IFFO2: variants seen among roughly 807,000 people sequenced by gnomAD.
IFFO2 encodes the protein intermediate filament family orphan 2.
Under a neutral mutation model 53.5 loss-of-function variants are expected in IFFO2, and 19 were observed. The ratio of observed to expected loss-of-function variants is 0.36; its 90% confidence interval spans 0.25 to 0.52. IFFO2 has a LOEUF of 0.52. Among genes scored for constraint, IFFO2 ranks in the 20% least tolerant of loss-of-function variants. The pLI, the probability that IFFO2 is intolerant of heterozygous loss-of-function variation, is 0.94. For synonymous variants in IFFO2, 303 were observed against 313.6 expected, an observed-to-expected ratio of 0.97 and a Z score of 0.36; for missense variants, 570 against 727.4, an observed-to-expected ratio of 0.78 and a Z score of 2.49.
chr1:18,908,438 G>A lies in IFFO2; in HGVS notation c.*123C>T, dbSNP rs1450539435. The A allele has an allele frequency of 1.4e-6, 1 of 696,124 alleles. No individual in the cohort carries two copies. The highest frequency in any genetic ancestry group is 2.6e-6 in the Non-Finnish European group (1 of 391,164). 43.1% of individuals were successfully genotyped at this position (696,124 alleles called of 1,614,324 possible). A position where few individuals can be genotyped will look rare whatever the true frequency, so the allele number is the denominator to read the frequency against. On this transcript the variant is annotated 3_prime_UTR_variant, in exon 9 of 9. Coordinates refer to ENST00000455833, the MANE Select transcript of IFFO2 (RefSeq NM_001136265.2). ...CAGTCCCTCAGGGCCTCCAGAGAAG[G>A]GAGGGCAGAGAAAGTCTGTGTGGTG...
Position 18,956,024 on chromosome 1 carries a change from G to C in IFFO2, c.309C>G (p.Arg103=), listed in dbSNP as rs1448873917. 8.3e-6 allele frequency: 12 copies of C among 1,437,352 alleles called. No homozygotes were observed. The highest frequency in any genetic ancestry group is 1.3e-5 in the South Asian group (1 of 78,818). 89.0% of individuals were successfully genotyped at this position (1,437,352 alleles called of 1,614,324 possible). A position where few individuals can be genotyped will look rare whatever the true frequency, so the allele number is the denominator to read the frequency against. Residue 103 remains arginine (R), a synonymous_variant, in exon 1 of 9, where the codon CGC becomes CGG. Transcript: ENST00000455833. The surrounding 1 kb of genome is among the most constrained non-coding windows in gnomAD (Gnocchi z 6.4). ...CGGGCCCGGTCTGCACGGCCTGCTC[G>C]CGGGAGAAGGTCTTGTAGCGCAGCC... ...ERRLRYKTFS[R]EQAVQTGPEL...
In IFFO2 at chr1:18,955,708, G is replaced by C; in HGVS notation, c.625C>G (p.Leu209Val). The C allele has an allele frequency of 6.3e-7, 1 of 1,595,900 alleles. No individual in the cohort carries two copies. The highest frequency in any genetic ancestry group is 8.5e-7 in the Non-Finnish European group (1 of 1,174,016). Reference protein sequence around the residue: ...TPEIRALYNVLAKVKRERDEY... With the variant: ...TPEIRALYNVVAKVKRERDEY... The stretch of plus-strand genomic sequence containing the variant: ...TCGCGCTCGCGCTTCACCTTGGCCA[G>C]CACGTTGTAGAGCGCGCGGATCTCC... The change falls in exon 1 of 9, where the codon CTG becomes GTG. Residue 209 changes from leucine (L) to valine (V), a missense_variant. Transcript: ENST00000455833.
In IFFO2 at chr1:18,947,030, C is replaced by T. The variant is rs1168431239; in HGVS notation, c.665+8638G>A. Among the ~76,000 whole-genome samples, 1 of 152,194 alleles carries T rather than the reference C, an allele frequency of 6.6e-6. No homozygotes were observed. Among genetic ancestry groups the T allele is most frequent in the African/African-American group, 2.4e-5 (1 of 41,440 alleles). On this transcript the variant is annotated intron_variant, in intron 1 of 8. Coordinates refer to ENST00000455833, the MANE Select transcript of IFFO2 (RefSeq NM_001136265.2). This position sits in a 1 kb window ranked among gnomAD's most constrained non-coding sequence, Gnocchi z 5.0. ...CATGGCATGACACATTTGTCTATGTCCCCAGATTCTGAGTTCTCGAGGGCA... is the reference window on the plus strand; with the variant it reads ...CATGGCATGACACATTTGTCTATGTTCCCAGATTCTGAGTTCTCGAGGGCA...
At chr1:18,914,052 C>T (rs1936093702) in intron 5 of IFFO2, among the ~76,000 whole-genome samples, 1 of 152,182 alleles carries the variant, frequency 6.6e-6, no homozygotes, top group African/African-American at 2.4e-5. Context: ...AGGATGGTCT[C>T]GATCTCCTGA....
chr1:18,908,607 T>C lies in IFFO2; in HGVS notation c.1508A>G (p.Gln503Arg). 1.9e-6 allele frequency: 3 copies of C among 1,551,740 alleles called. No homozygotes were observed. The highest frequency in any genetic ancestry group is 2.6e-6 in the Non-Finnish European group (3 of 1,146,968). ...ATCCGCCTCGCGCTCGAACTCATCC[T>C]GGATCTCATCTGTACTTCCTGAGTC... is the stretch of plus-strand genomic sequence containing the variant. ...SSDSGSTDEI[Q>R]DEFEREADVE... is the part of the protein sequence containing the mutation. Residue 503 changes from glutamine to arginine, a missense_variant, in exon 9 of 9, where the codon CAG becomes CGG. Physicochemically the swap from Gln to Arg is conservative, Grantham distance 43. Coordinates refer to ENST00000455833, the MANE Select transcript of IFFO2 (RefSeq NM_001136265.2).
intron 1 of IFFO2, among the ~76,000 whole-genome samples, chr1:18,926,640 G>A (rs866368354): frequency 4.6e-5 from 7 of 152,142 alleles, no homozygotes; most frequent in Admixed American, 1.3e-4. Flanking sequence ...CGTGAGGGAC[G>A]AGAAGTCTCT....
At chr1:18,942,291 C>G (rs1340583522) in intron 1 of IFFO2, among the ~76,000 whole-genome samples, 1 of 152,144 alleles carries the variant, frequency 6.6e-6, no homozygotes, top group African/African-American at 2.4e-5. Flanking sequence ...TCCTTCATTC[C>G]CCCACAAAGA....
intron 1 of IFFO2, among the ~76,000 whole-genome samples, chr1:18,927,265 T>C (rs1451527780): frequency 6.6e-6 from 1 of 152,120 alleles, no homozygotes; most frequent in Non-Finnish European, 1.5e-5. Flanking sequence ...GGCCCACACC[T>C]TGCGGGAAGG....
intron 5 of IFFO2, among the ~76,000 whole-genome samples, chr1:18,915,640 T>A (rs543873134): frequency 6.8e-6 from 1 of 146,212 alleles, no homozygotes; most frequent in East Asian, 2.0e-4. Flanking sequence ...CCTCTCAGAG[T>A]CTCAGTTTCC....
At chr1:18,915,116 T>C (rs1284424858) in intron 5 of IFFO2, among the ~76,000 whole-genome samples, 1 of 152,090 alleles carries the variant, frequency 6.6e-6, no homozygotes, top group Non-Finnish European at 1.5e-5. Flanking sequence ...AGGCATGGCG[T>C]GGGGGACAAA....
Position 18,916,942 on chromosome 1 carries a change from A to G in IFFO2, c.1064T>C (p.Met355Thr). The G allele has an allele frequency of 6.4e-7, 1 of 1,551,928 alleles. No individual in the cohort carries two copies. Among genetic ancestry groups the G allele is most frequent in the Middle Eastern group, 1.7e-4 (1 of 5,992 alleles). The change falls in exon 5 of 9, where the codon ATG becomes ACG. Residue 355 changes from methionine to threonine, a missense_variant. Transcript: ENST00000455833. The surrounding 1 kb of genome is among the most constrained non-coding windows in gnomAD (Gnocchi z 4.3). ...GCGCTTCATCTCATCGGTGATGTTC[A>G]TGGAGCCGACCTCATCGTCCGAGAA... Reference protein sequence around the residue: ...NRFSDDEVGSMNITDEMKRMF... With the variant: ...NRFSDDEVGSTNITDEMKRMF...
At chr1:18,922,655 G>C (rs1936231717) in intron 1 of IFFO2, among the ~76,000 whole-genome samples, 1 of 152,108 alleles carries the variant, frequency 6.6e-6, no homozygotes. Context: ...CCCGGGCCCG[G>C]ACCTGGAGGG....
intron 1 of IFFO2, among the ~76,000 whole-genome samples, chr1:18,949,656 A>C (rs1376428086): frequency 3.3e-5 from 5 of 152,278 alleles, no homozygotes; most frequent in Admixed American, 6.5e-5. Context: ...ATCTCGTTGC[A>C]GCAAAGGGCG....
intron 1 of IFFO2, among the ~76,000 whole-genome samples, chr1:18,949,644 G>C (rs911534449): frequency 1.3e-5 from 2 of 152,260 alleles, no homozygotes; most frequent in African/African-American, 4.8e-5. Flanking sequence ...GGAAGGCAAC[G>C]CATCTCGTTG....
intron 1 of IFFO2, among the ~76,000 whole-genome samples, chr1:18,942,491 CG>C (rs777826105): frequency 8.5e-5 from 13 of 152,146 alleles, no homozygotes; most frequent in Non-Finnish European, 1.5e-4. Context: ...ATCAAATCCT[CG>C]CAACCTCATC....
At position 18,956,192 on chromosome 1, in the gene IFFO2, C is replaced by T; in HGVS notation, c.141G>A (p.Arg47=). 6.9e-7 allele frequency: 1 copy of T among 1,439,488 alleles called. No homozygotes were observed. The highest frequency in any genetic ancestry group is 9.3e-7 in the Non-Finnish European group (1 of 1,080,972). 89.2% of individuals were successfully genotyped at this position (1,439,488 alleles called of 1,614,324 possible). A position where few individuals can be genotyped will look rare whatever the true frequency, so the allele number is the denominator to read the frequency against. The change falls in exon 1 of 9, where the codon CGG becomes CGA. Residue 47 remains arginine (R), a synonymous_variant. Coordinates refer to ENST00000455833, the MANE Select transcript of IFFO2 (RefSeq NM_001136265.2). This position sits in a 1 kb window ranked among gnomAD's most constrained non-coding sequence, Gnocchi z 6.4. ...PGPSPVTAAL[R]DDLGSNIHLL... is the part of the protein sequence containing the mutation. ...GGTGGATGTTGGAGCCCAGGTCGTCCCGCAGCGCCGCCGTCACCGGCGACG... is the reference window on the plus strand; with the variant it reads ...GGTGGATGTTGGAGCCCAGGTCGTCTCGCAGCGCCGCCGTCACCGGCGACG...
In IFFO2 at chr1:18,947,865, G is replaced by A. The variant is rs1419895818; in HGVS notation, c.665+7803C>T. Among the ~76,000 whole-genome samples, 2 of 152,242 alleles carry A rather than the reference G, an allele frequency of 1.3e-5. No homozygotes were observed. Among genetic ancestry groups the A allele is most frequent in the Admixed American group, 6.5e-5 (1 of 15,286 alleles). Reference sequence around the variant, plus strand: ...ACCCGCCATGGCAATATTGTGACAGGTGCTGGGGAGACCCCGTGCCTCCTG... The same window carrying A: ...ACCCGCCATGGCAATATTGTGACAGATGCTGGGGAGACCCCGTGCCTCCTG... On this transcript the variant is annotated intron_variant, in intron 1 of 8. Transcript: ENST00000455833. This position sits in a 1 kb window ranked among gnomAD's most constrained non-coding sequence, Gnocchi z 5.0.
rs1337331216 is a variant in IFFO2 at position 18,907,968 on chromosome 1, CT to C, written c.*592del. ...TGTGTCCTCCTTCCCTTCCTTCCAC[CT>C]TTCTCTCCTTCAGGGAGTGAGAAAA... On this transcript the variant is annotated 3_prime_UTR_variant, in exon 9 of 9. Transcript: ENST00000455833. The C allele has an allele frequency of 6.5e-6, 1 of 153,484 alleles. No homozygotes were observed. The highest frequency in any genetic ancestry group is 1.5e-5 in the Non-Finnish European group (1 of 68,830). 9.5% of individuals were successfully genotyped at this position (153,484 alleles called of 1,614,324 possible).
At chr1:18,922,569 A>G (rs1020897444) in intron 1 of IFFO2, among the ~76,000 whole-genome samples, 1 of 151,052 alleles carries the variant, frequency 6.6e-6, no homozygotes, top group Non-Finnish European at 1.5e-5. Context: ...GAGGACACAC[A>G]CTCTCTCCCT....
Sources: gnomAD v4.1 joint callset for allele counts (sites outside exome capture counted in the v4.1 genomes callset) on GRCh38, gnomAD v4.1.1 for gene constraint, Gnocchi (gnomAD v3.1) non-coding constraint, MANE v1.5 for transcripts, NCBI Gene and HGNC (gene_info 2026-07-23, HGNC 2026-07-21) for gene names.